Variants in EPHA4 observed in about 807,000 individuals in gnomAD.
The protein encoded by EPHA4 is EPH receptor A4.
Under a neutral mutation model 108.3 loss-of-function variants are expected in EPHA4, and 19 were observed. That is an observed-to-expected ratio of 0.18 (90% CI 0.12 to 0.26). The LOEUF (loss-of-function observed/expected upper bound fraction) is 0.26, where lower values mean the gene tolerates loss of function less well. Ranked by LOEUF, EPHA4 falls within the 10% of genes least tolerant of loss-of-function variation. The pLI is 1.00. For synonymous variants in EPHA4, 449 were observed against 455.5 expected (o/e 0.99, Z 0.18); for missense variants, 917 against 1,254.0 (o/e 0.73, Z 4.06).
intron 15 of EPHA4, among the ~76,000 whole-genome samples, chr2:221,426,860 C>T (rs918525115): frequency 6.6e-6 from 1 of 152,186 alleles, no homozygotes; most frequent in Non-Finnish European, 1.5e-5. Context: ...TTTTATGTGG[C>T]CCTCTGAGGG....
chr2:221,514,527 C>A (rs1692933562), intron 3 of EPHA4, among the ~76,000 whole-genome samples: 1 of 152,138 alleles, frequency 6.6e-6, no homozygotes, highest in Non-Finnish European at 1.5e-5. Context: ...AGGCATGAAG[C>A]CAAAAGTGCT....
chr2:221,422,131 C>G (rs987501044), intron 17 of EPHA4: 1 of 151,180 alleles, frequency 6.6e-6, no homozygotes, highest in African/African-American at 2.4e-5. Flanking sequence ...GTCCCTGGGT[C>G]GACATGAACA....
chr2:221,437,007 TAGG>T, intron 12 of EPHA4, 51 bp downstream of exon 12: 1 of 1,324,798 alleles, frequency 7.5e-7, no homozygotes, highest in Admixed American at 1.7e-5. Flanking sequence ...AGGACTCTGT[TAGG>T]AGTTTTCTAA....
intron 8 of EPHA4, among the ~76,000 whole-genome samples, chr2:221,450,635 C>T (rs897199820): frequency 6.6e-6 from 1 of 152,084 alleles, no homozygotes; most frequent in Non-Finnish European, 1.5e-5. Flanking sequence ...CTCTTTAGGC[C>T]TCCAGTACCT....
intron 5 of EPHA4, among the ~76,000 whole-genome samples, chr2:221,482,136 C>T (rs993563811): frequency 6.6e-5 from 10 of 152,222 alleles, no homozygotes; most frequent in Admixed American, 4.6e-4. Flanking sequence ...TGATCAAACT[C>T]TCAGGCTCAA....
In EPHA4 at chr2:221,564,347, G is replaced by C. The variant is rs749507042; in HGVS notation, c.207C>G (p.Thr69=). Residue 69 remains threonine (T), a synonymous_variant, in exon 3 of 18, where the codon ACC becomes ACG. Transcript: ENST00000281821. ...IMDEKNTPIR[T]YQVCNVMEPS... The stretch of plus-strand genomic sequence containing the variant: ...GTTCCATCACATTGCACACTTGGTA[G>C]GTTCGGATTGGTGTATTTTTTTCAT... 1.9e-6 allele frequency: 3 copies of C among 1,613,748 alleles called. No homozygotes were observed. Among genetic ancestry groups the C allele is most frequent in the Non-Finnish European group, 2.5e-6 (3 of 1,179,728 alleles).
intron 3 of EPHA4, among the ~76,000 whole-genome samples, chr2:221,536,900 A>C (rs1355528054): frequency 6.6e-6 from 1 of 152,204 alleles, no homozygotes. Context: ...TATTTCACCA[A>C]GTCATGGTGA....
chr2:221,513,421 C>T (rs887096194), intron 3 of EPHA4, among the ~76,000 whole-genome samples: 2 of 152,194 alleles, frequency 1.3e-5, no homozygotes, highest in Admixed American at 1.3e-4. Context: ...AACGACTTTA[C>T]AGCCTGAGTT....
intron 3 of EPHA4, among the ~76,000 whole-genome samples, chr2:221,529,906 C>T (rs1446977217): frequency 6.6e-6 from 1 of 152,150 alleles, no homozygotes; most frequent in Admixed American, 6.5e-5. Context: ...AAAAAGGGCT[C>T]TCTTGTGAGT....
chr2:221,499,715 A>ATTAT lies in EPHA4; in HGVS notation c.979+1301_979+1302insATAA, dbSNP rs1322169477. Among the ~76,000 whole-genome samples, 202 of 48,434 alleles carry ATTAT rather than the reference A, an allele frequency of 4.2e-3. 3 individuals carry two copies. Among genetic ancestry groups the ATTAT allele is most frequent in the Admixed American group, 6.4e-3 (15 of 2,326 alleles). The allele number at this position is 48,434 out of a possible 152,430, so 31.8% of individuals were successfully genotyped here. On this transcript the variant is annotated intron_variant, in intron 4 of 17. Coordinates refer to ENST00000281821, the MANE Select transcript of EPHA4 (RefSeq NM_004438.5). ...AATAGTCATAATGATAACTAAAACT[A>ATTAT]ATATATATATATATATATATATATA... is the stretch of plus-strand genomic sequence containing the variant.
intron 16 of EPHA4, 107 bp from the exon 17 acceptor site, chr2:221,426,249 G>T: frequency 9.3e-7 from 1 of 1,079,826 alleles, no homozygotes. Flanking sequence ...AATTAATACA[G>T]CACAACAAGG....
At chr2:221,446,672 AACT>A (rs1446932126) in intron 8 of EPHA4, among the ~76,000 whole-genome samples, 1 of 152,190 alleles carries the variant, frequency 6.6e-6, no homozygotes, top group Non-Finnish European at 1.5e-5. Flanking sequence ...ATAACCAGAT[AACT>A]ACTACCACAA....
intron 3 of EPHA4, among the ~76,000 whole-genome samples, chr2:221,529,476 C>T (rs927099810): frequency 2.0e-5 from 3 of 152,176 alleles, no homozygotes; most frequent in Non-Finnish European, 4.4e-5. Flanking sequence ...CCAATGGAAA[C>T]GCCTAGCTTT....
At chr2:221,511,543 T>TAC (rs752878500) in intron 3 of EPHA4, among the ~76,000 whole-genome samples, 8 of 151,980 alleles carry the variant, frequency 5.3e-5, no homozygotes, top group Admixed American at 1.3e-4. Flanking sequence ...CCCTTTTTTG[T>TAC]CTATAAATCT....
rs1433899601 is a variant in EPHA4, at chr2:221,441,047, AT to A, written c.2074+1781del. Among the ~76,000 whole-genome samples, 16 of 152,174 alleles carry A rather than the reference AT, an allele frequency of 1.1e-4. No individual in the cohort carries two copies. The East Asian group carries it at 3.1e-3, about 29-fold the overall frequency. Reference sequence around the variant, plus strand: ...ACTGTCCTAACAAGCTTTCCAGAAGATTCTTATGTTTGAGGACCCCTGAACT... The same window carrying A: ...ACTGTCCTAACAAGCTTTCCAGAAGATCTTATGTTTGAGGACCCCTGAACT... On this transcript the variant is annotated intron_variant, in intron 11 of 17. Transcript: ENST00000281821.
At chr2:221,496,291 C>T (rs1692292180) in intron 4 of EPHA4, among the ~76,000 whole-genome samples, 1 of 152,042 alleles carries the variant, frequency 6.6e-6, no homozygotes, top group Admixed American at 6.6e-5. Flanking sequence ...GTATAGTCTC[C>T]ACTAGCCATA....
intron 3 of EPHA4, chr2:221,502,610 CCATCAAG>C (rs1437875836): frequency 2.1e-6 from 1 of 470,820 alleles, no homozygotes; most frequent in Non-Finnish European, 4.4e-6. Flanking sequence ...CACTACTCAT[CCATCAAG>C]CATCTGTATG....
intron 3 of EPHA4, among the ~76,000 whole-genome samples, chr2:221,546,961 G>C (rs1032098358): frequency 3.3e-5 from 5 of 152,170 alleles, no homozygotes; most frequent in African/African-American, 1.2e-4. Flanking sequence ...AAAGGGGGGG[G>C]ACAAATTTTT....
chr2:221,475,844 G>A (rs1432193792), intron 5 of EPHA4, among the ~76,000 whole-genome samples: 1 of 152,220 alleles, frequency 6.6e-6, no homozygotes, highest in East Asian at 1.9e-4. Context: ...CCAATCTGGA[G>A]GATTCGATTT....
Sources: allele counts gnomAD v4.1 joint callset (sites outside exome capture counted in the v4.1 genomes callset), GRCh38; gene constraint gnomAD v4.1.1; transcripts MANE v1.5; gene names NCBI Gene and HGNC (gene_info 2026-07-23, HGNC 2026-07-21).